The following VPS54 variants were observed in gnomAD, a reference collection of about 807,000 sequenced individuals.
VPS54 encodes the protein vacuolar protein sorting-associated protein 54.
Under a neutral mutation model 121.5 loss-of-function variants are expected in VPS54, and 45 were observed. The ratio of observed to expected loss-of-function variants is 0.37; its 90% CI spans 0.29 to 0.47. VPS54 has a LOEUF of 0.47. VPS54 is among the 20% of genes least tolerant of loss of function. VPS54 has a pLI of 0.99. For missense variants in VPS54, 1,090 were observed against 1,131.4 expected (o/e 0.96, Z 0.52); for synonymous variants, 371 against 385.8 (o/e 0.96, Z 0.45).
intron 22 of VPS54, among the ~76,000 whole-genome samples, chr2:63,894,510 T>C (rs1459582387): frequency 6.6e-6 from 1 of 152,092 alleles, no homozygotes. Flanking sequence ...AAGACCAGCC[T>C]GGGCAACATA....
At chr2:63,917,181 G>A (rs1673426270) in intron 15 of VPS54, among the ~76,000 whole-genome samples, 2 of 152,150 alleles carry the variant, frequency 1.3e-5, no homozygotes, top group South Asian at 2.1e-4. Flanking sequence ...CTGGATACAT[G>A]ACTTTGGGGC....
intron 20 of VPS54, among the ~76,000 whole-genome samples, chr2:63,910,159 T>C (rs1285306595): frequency 2.0e-5 from 3 of 152,182 alleles, no homozygotes; most frequent in Non-Finnish European, 4.4e-5. Context: ...GCTATTTTGA[T>C]ATTAATTAAA....
At chr2:63,938,134 G>A (rs570118268) in intron 11 of VPS54, among the ~76,000 whole-genome samples, 107 of 151,312 alleles carry the variant, frequency 7.1e-4, no homozygotes, top group African/African-American at 2.2e-3. Context: ...GCATGTGTGC[G>A]TGGCTGTGTG....
intron 10 of VPS54, among the ~76,000 whole-genome samples, 183 bp from the exon 11 acceptor site, chr2:63,942,744 A>T (rs1490498920): frequency 6.6e-6 from 1 of 152,202 alleles, no homozygotes; most frequent in Non-Finnish European, 1.5e-5. Context: ...AAATATTTTT[A>T]AGACTGGTAA....
intron 5 of VPS54, 94 bp from the exon 6 acceptor site, chr2:63,966,060 G>A (rs1202215472): frequency 2.4e-6 from 3 of 1,275,076 alleles, no homozygotes; most frequent in African/African-American, 1.5e-5. Context: ...AAATTAACGT[G>A]GATCTTGAGT....
intron 1 of VPS54, among the ~76,000 whole-genome samples, chr2:64,005,436 C>A (rs1271062672): frequency 2.0e-5 from 3 of 152,146 alleles, no homozygotes; most frequent in Non-Finnish European, 4.4e-5. Flanking sequence ...CTAGTAACTA[C>A]CTTATAGGCA....
intron 1 of VPS54, among the ~76,000 whole-genome samples, chr2:63,986,837 T>C (rs1322001905): frequency 6.6e-6 from 1 of 152,234 alleles, no homozygotes; most frequent in Non-Finnish European, 1.5e-5. Context: ...CCTCTGATGA[T>C]AAATACACCC....
intron 1 of VPS54, among the ~76,000 whole-genome samples, chr2:63,984,273 C>T (rs141997192): frequency 3.2e-4 from 49 of 152,220 alleles, no homozygotes; most frequent in Middle Eastern, 3.4e-3. Context: ...AGGTTGTACC[C>T]AACATATATT....
intron 12 of VPS54, among the ~76,000 whole-genome samples, chr2:63,931,877 T>C (rs936073818): frequency 1.3e-5 from 2 of 152,192 alleles, no homozygotes; most frequent in Non-Finnish European, 2.9e-5. Context: ...AAAGAGGACA[T>C]TTATGTGGCC....
intron 16 of VPS54, 58 bp from the exon 17 acceptor site, chr2:63,914,345 T>C (rs1259431080): frequency 8.4e-7 from 1 of 1,192,386 alleles, no homozygotes; most frequent in Non-Finnish European, 1.2e-6. Context: ...TCAAAAGGAT[T>C]TGGCATATAA....
chr2:64,000,384 A>T (rs983894767), intron 1 of VPS54, among the ~76,000 whole-genome samples: 1 of 152,238 alleles, frequency 6.6e-6, no homozygotes, highest in African/African-American at 2.4e-5. Flanking sequence ...CTCCAGAATT[A>T]GTCCCTGGTG....
At chr2:63,935,464 G>A (rs1206488640) in intron 11 of VPS54, among the ~76,000 whole-genome samples, 1 of 151,974 alleles carries the variant, frequency 6.6e-6, no homozygotes, top group Admixed American at 6.6e-5. Flanking sequence ...TCCAATCTTG[G>A]ATATACTTAG....
intron 1 of VPS54, among the ~76,000 whole-genome samples, chr2:64,001,752 T>C (rs1359873388): frequency 6.6e-6 from 1 of 151,918 alleles, no homozygotes; most frequent in Non-Finnish European, 1.5e-5. Flanking sequence ...AAAAGTCCTC[T>C]TTACTCTTCC....
intron 12 of VPS54, among the ~76,000 whole-genome samples, chr2:63,930,408 A>C (rs2104476178): frequency 6.6e-6 from 1 of 152,362 alleles, no homozygotes; most frequent in South Asian, 2.1e-4. Context: ...ACCAATGACA[A>C]AAACCACATG....
chr2:63,901,742 A>C (rs147831344), intron 20 of VPS54, among the ~76,000 whole-genome samples: 1 of 152,222 alleles, frequency 6.6e-6, no homozygotes, highest in East Asian at 1.9e-4. Context: ...TGGGCCGGGC[A>C]TGGTGGCTCA....
intron 1 of VPS54, among the ~76,000 whole-genome samples, chr2:63,990,944 G>A (rs1466779569): frequency 1.3e-5 from 2 of 152,112 alleles, no homozygotes; most frequent in Non-Finnish European, 2.9e-5. Context: ...CCTTTAGACT[G>A]GGACCTTTTG....
intron 1 of VPS54, among the ~76,000 whole-genome samples, chr2:63,997,126 G>A (rs532131484): frequency 1.9e-3 from 289 of 152,272 alleles, no homozygotes; most frequent in South Asian, 4.1e-3. Context: ...TTGAAATACA[G>A]GGGGCTGGTT....
intron 17 of VPS54, 86 bp downstream of exon 17, chr2:63,914,096 G>A: frequency 8.4e-7 from 1 of 1,190,718 alleles, no homozygotes; most frequent in Non-Finnish European, 1.2e-6. Context: ...ATTTGACCTT[G>A]AAATGTCTTT....
chr2:63,947,871 C>G (rs560409200), intron 8 of VPS54, among the ~76,000 whole-genome samples: 1 of 152,224 alleles, frequency 6.6e-6, no homozygotes, highest in Admixed American at 6.5e-5. Context: ...GCGTTCCACT[C>G]TGTTGCCAAG....
Sources: gnomAD v4.1 joint callset for allele counts (sites outside exome capture counted in the v4.1 genomes callset) on GRCh38, gnomAD v4.1.1 for gene constraint, MANE v1.5 for transcripts, NCBI Gene and HGNC (gene_info 2026-07-23, HGNC 2026-07-21) for gene names.